ZNF460: variants seen among roughly 807,000 people sequenced by gnomAD.
ZNF460 encodes zinc finger protein 460.
In ZNF460, 1 loss-of-function variant was observed where a neutral mutation model predicts 8.4. The observed-to-expected ratio is 0.12, with a 90% CI of 0.04 to 0.56. The LOEUF (loss-of-function observed/expected upper bound fraction) is 0.56. Among genes scored for constraint, ZNF460 ranks in the 20% least tolerant of loss-of-function variants. The pLI is 0.91. For synonymous variants in ZNF460, 262 were observed against 259.9 expected (o/e 1.01, Z -0.08); for missense variants, 477 against 714.8 (o/e 0.67, Z 3.79).
At position 57,291,776 on chromosome 19, in the gene ZNF460, A is replaced by C; in HGVS notation, c.1235A>C (p.Asn412Thr). Residue 412 changes from asparagine to threonine, a missense_variant, in exon 3 of 3, where the codon AAC becomes ACC. Transcript: ENST00000360338. This position sits in a 1 kb window ranked among gnomAD's most constrained non-coding sequence, Gnocchi z 8.4. ...CGAAAAGACCTCATTCGACACTTCA[A>C]CATCCACACTGGAGAGAAGCCCTAT... ...SIRKDLIRHF[N>T]IHTGEKPYEC... The C allele has an allele frequency of 6.2e-7, 1 of 1,614,106 alleles. No individual in the cohort carries two copies. Among genetic ancestry groups the C allele is most frequent in the South Asian group, 1.1e-5 (1 of 91,078 alleles).
chr19:57,285,776 C>T (rs1366828530), intron 2 of ZNF460, among the ~76,000 whole-genome samples: 2 of 152,186 alleles, frequency 1.3e-5, no homozygotes, highest in Non-Finnish European at 2.9e-5. Context: ...ACCCCTCACT[C>T]TGCTGCCCTG....
At chr19:57,284,035 C>T (rs1445798473) in intron 1 of ZNF460, among the ~76,000 whole-genome samples, 2 of 152,010 alleles carry the variant, frequency 1.3e-5, no homozygotes, top group East Asian at 1.9e-4. Context: ...GACTCAGATA[C>T]TGTTCCTGTT....
Position 57,280,784 on chromosome 19 carries a change from G to A in ZNF460, c.-23G>A. ...CCCAGGACAGAGAAGGGCTGTGGTC[G>A]GCTGATCCGCGGCATTCCCGGGATG... On this transcript the variant is annotated 5_prime_UTR_variant, in exon 1 of 3. Coordinates refer to ENST00000360338, the MANE Select transcript of ZNF460 (RefSeq NM_006635.4). The A allele has an allele frequency of 6.2e-7, 1 of 1,613,886 alleles. No homozygotes were observed. Among genetic ancestry groups the A allele is most frequent in the Non-Finnish European group, 8.5e-7 (1 of 1,179,906 alleles).
chr19:57,280,533 A>C lies in ZNF460; in HGVS notation c.-274A>C. Reference sequence around the variant, plus strand: ...CTGGGTGGGCGCGTTCTGCGGCCTGAGCAGGGACGGGTAGTGAAGCGGTTA... The same window carrying C: ...CTGGGTGGGCGCGTTCTGCGGCCTGCGCAGGGACGGGTAGTGAAGCGGTTA... On this transcript the variant is annotated 5_prime_UTR_variant, in exon 1 of 3. Coordinates refer to ENST00000360338, the MANE Select transcript of ZNF460 (RefSeq NM_006635.4). 1.8e-6 allele frequency: 1 copy of C among 540,722 alleles called. No individual in the cohort carries two copies. The highest frequency in any genetic ancestry group is 3.3e-6 in the Non-Finnish European group (1 of 300,692). 33.5% of individuals were successfully genotyped at this position (540,722 alleles called of 1,614,324 possible). A position where few individuals can be genotyped will look rare whatever the true frequency, so the allele number is the denominator to read the frequency against.
At chr19:57,281,631 C>T (rs1480043089) in intron 1 of ZNF460, among the ~76,000 whole-genome samples, 1 of 133,414 alleles carries the variant, frequency 7.5e-6, no homozygotes, top group African/African-American at 2.9e-5. Flanking sequence ...AGTGGCGTGA[C>T]CTCGGCTCAC....
chr19:57,290,900 G>A lies in ZNF460; in HGVS notation c.359G>A (p.Gly120Glu), dbSNP rs781275637. Reference protein sequence around the residue: ...GTDPQSEKLHGKMSLEHEGLA... With the variant: ...GTDPQSEKLHEKMSLEHEGLA... ...GACCCACAGAGTGAGAAACTCCATG[G>A]GAAAATGAGCCTTGAACACGAAGGT... The change falls in exon 3 of 3, where the codon GGG (glycine) becomes GAG (glutamate). Residue 120 changes from glycine (G) to glutamate (E), a missense_variant. By Grantham distance (98) the Gly-to-Glu change is moderately conservative. Around this residue, in one of 5 missense-constraint regions of ZNF460, gnomAD observed 169 missense variants for 178.6 expected, o/e 0.95. Transcript: ENST00000360338. The A allele has an allele frequency of 1.2e-6, 2 of 1,614,154 alleles. No homozygotes were observed. The highest frequency in any genetic ancestry group is 1.7e-5 in the Admixed American group (1 of 60,004).
chr19:57,292,504 G>C lies in ZNF460; in HGVS notation c.*274G>C. On this transcript the variant is annotated 3_prime_UTR_variant, in exon 3 of 3. Coordinates refer to ENST00000360338, the MANE Select transcript of ZNF460 (RefSeq NM_006635.4). ...ATAATTCACCCATGAAAGAGACCCA[G>C]TGGTTACTGTGCACTTAGGAAAACC... 2.8e-6 allele frequency: 1 copy of C among 362,202 alleles called. No individual in the cohort carries two copies. Among genetic ancestry groups the C allele is most frequent in the Non-Finnish European group, 5.0e-6 (1 of 198,032 alleles). 22.4% of individuals were successfully genotyped at this position (362,202 alleles called of 1,614,324 possible). A position where few individuals can be genotyped will look rare whatever the true frequency, so the allele number is the denominator to read the frequency against.
rs1292245560 is a variant in ZNF460 at position 57,293,842 on chromosome 19, A to C, written c.*1612A>C. 1 of 152,186 alleles carries C rather than the reference A, an allele frequency of 6.6e-6. No homozygotes were observed. The highest frequency in any genetic ancestry group is 1.9e-4 in the East Asian group (1 of 5,194). 9.4% of individuals were successfully genotyped at this position (152,186 alleles called of 1,614,324 possible). A position where few individuals can be genotyped will look rare whatever the true frequency, so the allele number is the denominator to read the frequency against. Reference sequence around the variant, plus strand: ...CCTTTTATGCTTGCATATGAGTAGAAACATGGAGTATTTCTCTTTCTGTGT... The same window carrying C: ...CCTTTTATGCTTGCATATGAGTAGACACATGGAGTATTTCTCTTTCTGTGT... On this transcript the variant is annotated 3_prime_UTR_variant, in exon 3 of 3. Transcript: ENST00000360338.
chr19:57,289,603 C>T (rs1335732617), intron 2 of ZNF460, among the ~76,000 whole-genome samples: 2 of 152,112 alleles, frequency 1.3e-5, no homozygotes, highest in African/African-American at 4.8e-5. Context: ...GATAGAGTGT[C>T]ATCATTATGA....
chr19:57,292,257 A>G lies in ZNF460; in HGVS notation c.*27A>G. On this transcript the variant is annotated 3_prime_UTR_variant, in exon 3 of 3. Transcript: ENST00000360338. Reference sequence around the variant, plus strand: ...AGATGTGGAAAGACTTTTTACGTACACTTCAGTCAACATCCAAGAATTCCT... The same window carrying G: ...AGATGTGGAAAGACTTTTTACGTACGCTTCAGTCAACATCCAAGAATTCCT... The G allele has an allele frequency of 4.5e-6, 7 of 1,565,198 alleles. No homozygotes were observed. Among genetic ancestry groups the G allele is most frequent in the Non-Finnish European group, 6.1e-6 (7 of 1,152,552 alleles).
rs376315071 is a variant in ZNF460, at chr19:57,286,720, GGGAGGCTGAGGCGGGT to G, written c.157+2047_157+2062del. ...CTCACACCTGTAATCCCAGCACTTT[GGGAGGCTGAGGCGGGT>G]GGATCTCCTGAGGTCAGGAGTTTGA... On this transcript the variant is annotated intron_variant, in intron 2 of 2. Coordinates refer to ENST00000360338, the MANE Select transcript of ZNF460 (RefSeq NM_006635.4). Among the ~76,000 whole-genome samples, 421 of 152,230 alleles carry G rather than the reference GGGAGGCTGAGGCGGGT, an allele frequency of 2.8e-3. 2 individuals carry two copies. The highest frequency in any genetic ancestry group is 9.7e-3 in the African/African-American group (404 of 41,542).
At chr19:57,284,707 A>T in intron 2 of ZNF460, 30 bp downstream of exon 2, 5 of 1,547,754 alleles carry the variant, frequency 3.2e-6, no homozygotes. Context: ...CTCCAAAATC[A>T]GGGGCACCAG....
chr19:57,291,534 T>C lies in ZNF460; in HGVS notation c.993T>C (p.Thr331=), dbSNP rs2087918311. The part of the protein sequence containing the change: ...TALIQHFIIH[T]GERPFKCLEC... Reference sequence around the variant, plus strand: ...TCATTCAACACTTCATTATCCATACTGGGGAGAGGCCCTTTAAGTGCCTTG... The same window carrying C: ...TCATTCAACACTTCATTATCCATACCGGGGAGAGGCCCTTTAAGTGCCTTG... Residue 331 remains threonine, a synonymous_variant, in exon 3 of 3, where the codon ACT becomes ACC. Transcript: ENST00000360338. This position sits in a 1 kb window ranked among gnomAD's most constrained non-coding sequence, Gnocchi z 8.4. 2 of 1,614,104 alleles carry C rather than the reference T, an allele frequency of 1.2e-6. No individual in the cohort carries two copies. Among genetic ancestry groups the C allele is most frequent in the Non-Finnish European group, 1.7e-6 (2 of 1,179,998 alleles).
chr19:57,288,961 C>T (rs2087897504), intron 2 of ZNF460, among the ~76,000 whole-genome samples: 1 of 150,566 alleles, frequency 6.6e-6, no homozygotes, highest in Non-Finnish European at 1.5e-5. Context: ...CTCCTGGGCT[C>T]AGCTTCCCGA....
At chr19:57,289,654 A>G (rs1441991168) in intron 2 of ZNF460, among the ~76,000 whole-genome samples, 1 of 151,924 alleles carries the variant, frequency 6.6e-6, no homozygotes, top group Non-Finnish European at 1.5e-5. Context: ...GGGGATCTCT[A>G]TTCCAGACCA....
At chr19:57,280,978 T>C in intron 1 of ZNF460, 142 bp downstream of exon 1, 1 of 1,248,784 alleles carries the variant, frequency 8.0e-7, no homozygotes. Context: ...TGTCATTTCC[T>C]TTATCCGCAG....
rs370945737 is a variant in ZNF460 at position 57,280,802 on chromosome 19, C to G, written c.-5C>G. On this transcript the variant is annotated 5_prime_UTR_variant, in exon 1 of 3. Coordinates refer to ENST00000360338, the MANE Select transcript of ZNF460 (RefSeq NM_006635.4). ...TGTGGTCGGCTGATCCGCGGCATTCCCGGGATGGCGGCGGCGTGGATGGCT... is the reference window on the plus strand; with the variant it reads ...TGTGGTCGGCTGATCCGCGGCATTCGCGGGATGGCGGCGGCGTGGATGGCT... 1.9e-6 allele frequency: 3 copies of G among 1,614,092 alleles called. No individual in the cohort carries two copies. Among genetic ancestry groups the G allele is most frequent in the Non-Finnish European group, 1.7e-6 (2 of 1,180,004 alleles).
chr19:57,283,079 CT>C (rs2087851611), intron 1 of ZNF460, among the ~76,000 whole-genome samples: 2 of 150,558 alleles, frequency 1.3e-5, no homozygotes, highest in South Asian at 4.2e-4. Flanking sequence ...TCTCAGGTCC[CT>C]GAGTGTGACA....
chr19:57,285,822 C>T (rs560375690), intron 2 of ZNF460, among the ~76,000 whole-genome samples: 21 of 152,244 alleles, frequency 1.4e-4, no homozygotes, highest in South Asian at 1.0e-3. Context: ...TCATGTCTCC[C>T]ATTCTTTATG....
Sources: allele counts gnomAD v4.1 joint callset (sites outside exome capture counted in the v4.1 genomes callset), GRCh38; gene constraint gnomAD v4.1.1; regional missense constraint gnomAD v4.1.1; non-coding constraint Gnocchi (gnomAD v3.1); transcripts MANE v1.5; gene names NCBI Gene and HGNC (gene_info 2026-07-23, HGNC 2026-07-21).